The following NCAM2 variants were observed in gnomAD, a reference collection of about 807,000 sequenced individuals.
The protein encoded by NCAM2 is N-CAM-2.
In NCAM2, 30 loss-of-function variants were observed where a neutral mutation model predicts 98.1. The observed-to-expected ratio is 0.31, with a 90% CI of 0.23 to 0.41. The LOEUF is 0.41. Ranked by LOEUF, NCAM2 falls within the 10% of genes least tolerant of loss-of-function variation. The pLI, the probability that NCAM2 is intolerant of heterozygous loss-of-function variation, is 1.00. For missense variants in NCAM2, 867 were observed against 1,005.8 expected (o/e 0.86, Z 1.87); for synonymous variants, 368 against 342.4 (o/e 1.07, Z -0.83).
At chr21:21,124,729 C>G (rs2066750649) in intron 1 of NCAM2, among the ~76,000 whole-genome samples, 1 of 152,106 alleles carries the variant, frequency 6.6e-6, no homozygotes, top group South Asian at 2.1e-4. Context: ...TGATAGCACA[C>G]CTCCAATTCT....
At chr21:21,024,890 G>GA (rs756802397) in intron 1 of NCAM2, among the ~76,000 whole-genome samples, 225 of 125,262 alleles carry the variant, frequency 1.8e-3, no homozygotes, top group South Asian at 3.1e-3. Context: ...CCGTCTCAAA[G>GA]AAAAAAAAAA....
chr21:21,064,665 T>G (rs148114347), intron 1 of NCAM2, among the ~76,000 whole-genome samples: 4 of 152,186 alleles, frequency 2.6e-5, no homozygotes, highest in Non-Finnish European at 5.9e-5. Context: ...TAGAAATTCA[T>G]GTGGACAGTT....
chr21:21,146,433 A>C (rs2067274885), intron 1 of NCAM2, among the ~76,000 whole-genome samples: 1 of 151,292 alleles, frequency 6.6e-6, no homozygotes, highest in South Asian at 2.1e-4. Context: ...TAGGGACTGA[A>C]ATTACTTGGG....
chr21:21,210,439 A>G, intron 1 of NCAM2: 1 of 946,156 alleles, frequency 1.1e-6, no homozygotes, highest in Non-Finnish European at 1.4e-6. Context: ...TAAGAGCACC[A>G]GGACACTCCA....
chr21:21,310,229 T>C (rs563005251), intron 5 of NCAM2, among the ~76,000 whole-genome samples: 1 of 152,300 alleles, frequency 6.6e-6, no homozygotes, highest in South Asian at 2.1e-4. Context: ...ACTTTAATTC[T>C]CCCTCAGGTT....
intron 6 of NCAM2, among the ~76,000 whole-genome samples, chr21:21,326,250 G>GA (rs2074508380): frequency 6.6e-6 from 1 of 152,150 alleles, no homozygotes; most frequent in African/African-American, 2.4e-5. Flanking sequence ...CTTTACTTCT[G>GA]AGATTACTTG....
chr21:21,096,570 A>G (rs2066129042), intron 1 of NCAM2, among the ~76,000 whole-genome samples: 1 of 151,792 alleles, frequency 6.6e-6, no homozygotes, highest in South Asian at 2.1e-4. Flanking sequence ...CTTATCAATA[A>G]TAGTTGAAGT....
chr21:21,394,015 A>G (rs551391796), intron 9 of NCAM2, among the ~76,000 whole-genome samples: 8 of 152,332 alleles, frequency 5.3e-5, no homozygotes, highest in African/African-American at 1.9e-4. Flanking sequence ...TTAGAGAGAA[A>G]GCCAGTATGT....
At chr21:21,109,080 G>A (rs549789806) in intron 1 of NCAM2, among the ~76,000 whole-genome samples, 2 of 152,130 alleles carry the variant, frequency 1.3e-5, no homozygotes, top group East Asian at 3.9e-4. Flanking sequence ...TAGCTGCTGG[G>A]GTCACTGCTA....
Position 21,331,800 on chromosome 21 carries a change from TG to T in NCAM2, c.738-3703del, listed in dbSNP as rs2074716643. On this transcript the variant is annotated intron_variant, in intron 6 of 17. Transcript: ENST00000400546. ...TGGGGTTTTGGTATGTTGGCCAGGC[TG>T]GTCTTGAACTCCTGACCTCTGGTGA... Among the ~76,000 whole-genome samples the T allele has an allele frequency of 6.6e-5, 10 of 150,572 alleles. No homozygotes were observed. The South Asian group carries it at 2.1e-3, about 32-fold the overall frequency.
chr21:21,092,341 G>A (rs1387473986), intron 1 of NCAM2, among the ~76,000 whole-genome samples: 1 of 151,776 alleles, frequency 6.6e-6, no homozygotes, highest in African/African-American at 2.4e-5. Flanking sequence ...TTTCATTTGG[G>A]TGGAGTATAA....
Position 21,126,916 on chromosome 21 carries a change from C to T in NCAM2, c.55+128298C>T, listed in dbSNP as rs186318411. On this transcript the variant is annotated intron_variant, in intron 1 of 17. Coordinates refer to ENST00000400546, the MANE Select transcript of NCAM2 (RefSeq NM_004540.5). ...GTAGATAAACTACACAGCAAAGTGA[C>T]GCTTTTACCTTCTAGGAGAAAAAGG... Among the ~76,000 whole-genome samples the T allele has an allele frequency of 3.0e-4, 46 of 151,982 alleles. No individual in the cohort carries two copies. In the East Asian group the frequency reaches 7.2e-3, roughly 24 times the overall value.
chr21:21,395,313 GC>G (rs2076479099), intron 9 of NCAM2, among the ~76,000 whole-genome samples: 3 of 152,070 alleles, frequency 2.0e-5, no homozygotes, highest in Admixed American at 2.0e-4. Context: ...CTGGCCCACA[GC>G]CGGGACAGCA....
chr21:21,351,809 C>T (rs554454607), intron 8 of NCAM2, among the ~76,000 whole-genome samples: 89 of 152,256 alleles, frequency 5.8e-4, no homozygotes, highest in Middle Eastern at 3.4e-3. Flanking sequence ...TGCAGTGGCA[C>T]GATCTCGGCT....
At chr21:21,212,976 A>G (rs1031819493) in intron 1 of NCAM2, among the ~76,000 whole-genome samples, 17 of 152,038 alleles carry the variant, frequency 1.1e-4, no homozygotes, top group African/African-American at 3.9e-4. Flanking sequence ...TCCTGACCTC[A>G]TGATCCGCCC....
chr21:21,160,894 A>G (rs1569092068), intron 1 of NCAM2, among the ~76,000 whole-genome samples: 1 of 151,998 alleles, frequency 6.6e-6, no homozygotes, highest in Non-Finnish European at 1.5e-5. Context: ...TGACTATATT[A>G]TATTTGAATG....
chr21:21,036,792 G>C (rs146888039), intron 1 of NCAM2, among the ~76,000 whole-genome samples: 20 of 152,276 alleles, frequency 1.3e-4, no homozygotes, highest in African/African-American at 4.3e-4. Context: ...TAGTATTTCA[G>C]ATAATTTCAA....
intron 1 of NCAM2, chr21:21,223,481 T>A (rs539462391): frequency 9.2e-5 from 14 of 152,292 alleles, no homozygotes; most frequent in African/African-American, 3.4e-4. Context: ...AAGGAAATGG[T>A]GAATAAATTG....
chr21:21,300,462 C>T (rs1435158167), intron 5 of NCAM2, among the ~76,000 whole-genome samples: 1 of 152,012 alleles, frequency 6.6e-6, no homozygotes, highest in East Asian at 1.9e-4. Flanking sequence ...CTTACCTTGG[C>T]CAAAAGTCAT....
Sources: allele counts gnomAD v4.1 joint callset (sites outside exome capture counted in the v4.1 genomes callset), GRCh38; gene constraint gnomAD v4.1.1; transcripts MANE v1.5; gene names NCBI Gene and HGNC (gene_info 2026-07-23, HGNC 2026-07-21).